The following EP300 variants were observed in gnomAD, a reference collection of about 807,000 sequenced individuals.
The protein encoded by EP300 is EP300 lysine acetyltransferase.
EP300 carries 31 observed loss-of-function variants against 264.0 expected under a neutral mutation model. The observed-to-expected ratio is 0.12, with a 90% CI of 0.09 to 0.16. The LOEUF is 0.16. Among genes scored for constraint, EP300 ranks in the 10% least tolerant of loss-of-function variants. The pLI is 1.00. For synonymous variants in EP300, 1,340 were observed against 1,045.4 expected, an observed-to-expected ratio of 1.28 and a Z score of -5.44; for missense variants, 2,766 against 3,052.9, an observed-to-expected ratio of 0.91 and a Z score of 2.21.
In EP300 at chr22:41,178,124, C is replaced by T. The variant is rs587778258; in HGVS notation, c.6413C>T (p.Ala2138Val). The T allele has an allele frequency of 1.9e-5, 30 of 1,614,022 alleles. No homozygotes were observed. Among genetic ancestry groups the T allele is most frequent in the South Asian group, 4.4e-5 (4 of 91,088 alleles). Residue 2138 changes from alanine to valine, a missense_variant, in exon 31 of 31, where the codon GCG (alanine) becomes GTG (valine). Coordinates refer to ENST00000263253, the MANE Select transcript of EP300 (RefSeq NM_001429.4). ...PAMQNMNPMQ[A>V]GVQRAGLPQQ... is the part of the protein sequence containing the mutation. Reference sequence around the variant, plus strand: ...ATGCAGAACATGAATCCAATGCAGGCGGGCGTTCAGAGGGCTGGCCTGCCC... The same window carrying T: ...ATGCAGAACATGAATCCAATGCAGGTGGGCGTTCAGAGGGCTGGCCTGCCC...
chr22:41,111,876 CTTTTTTTTTTTTTT>C (rs71200661), intron 1 of EP300, among the ~76,000 whole-genome samples: 15 of 54,666 alleles, frequency 2.7e-4, no homozygotes, highest in South Asian at 1.1e-3. Context: ...AACTTGTAAC[CTTTTTTTTTTTTTT>C]TTTTTTTTTT....
chr22:41,152,625 GGA>G (rs1312835702), intron 16 of EP300, among the ~76,000 whole-genome samples: 1 of 151,880 alleles, frequency 6.6e-6, no homozygotes, highest in African/African-American at 2.4e-5. Context: ...TCATTTTTCA[GGA>G]GAGAGAAATG....
At chr22:41,093,377 A>G (rs112064638) in intron 1 of EP300, among the ~76,000 whole-genome samples, 2 of 152,188 alleles carry the variant, frequency 1.3e-5, no homozygotes, top group Admixed American at 1.3e-4. Context: ...TGTTGCTCTC[A>G]TGCAATTTAA....
At chr22:41,143,868 C>T (rs2058996400) in intron 10 of EP300, among the ~76,000 whole-genome samples, 1 of 152,190 alleles carries the variant, frequency 6.6e-6, no homozygotes, top group Non-Finnish European at 1.5e-5. Context: ...CTTGAGCCAT[C>T]ACACCTGGCC....
At chr22:41,123,099 C>A (rs1185925481) in intron 2 of EP300, among the ~76,000 whole-genome samples, 3 of 152,168 alleles carry the variant, frequency 2.0e-5, no homozygotes, top group African/African-American at 7.2e-5. Flanking sequence ...ACAGATGCTT[C>A]ACAGAGGTAG....
chr22:41,139,432 GTTA>G (rs1569102403), intron 8 of EP300, among the ~76,000 whole-genome samples: 1 of 152,112 alleles, frequency 6.6e-6, no homozygotes, highest in African/African-American at 2.4e-5. Context: ...TTGACTTTAC[GTTA>G]AAAGTTTATT....
At chr22:41,117,162 C>T (rs759997403) in intron 1 of EP300, 25 bp from the exon 2 acceptor site, 3 of 1,608,956 alleles carry the variant, frequency 1.9e-6, no homozygotes, top group East Asian at 2.2e-5. Context: ...ATACTTTGAC[C>T]TTTGTCTTTT....
rs1428592811 is a variant in EP300, at chr22:41,126,037, C to A, written c.903C>A (p.Asn301Lys). ...CAGTTCCTGGTGGAGGAATGCCCAA[C>A]ATGGTGAGTACTAATCCATTACAGA... Reference protein sequence around the residue: ...KKAVPGGGMPNMGQQPAPQVQ... With the variant: ...KKAVPGGGMPKMGQQPAPQVQ... Residue 301 changes from asparagine to lysine, a missense_variant, in exon 3 of 31, where the codon AAC (asparagine) becomes AAA (lysine). Asn to Lys is a moderately conservative substitution (Grantham distance 94). Coordinates refer to ENST00000263253, the MANE Select transcript of EP300 (RefSeq NM_001429.4). 3 of 1,613,906 alleles carry A rather than the reference C, an allele frequency of 1.9e-6. No individual in the cohort carries two copies. The highest frequency in any genetic ancestry group is 2.5e-6 in the Non-Finnish European group (3 of 1,179,920).
At chr22:41,108,860 T>C (rs560495247) in intron 1 of EP300, among the ~76,000 whole-genome samples, 5 of 152,322 alleles carry the variant, frequency 3.3e-5, no homozygotes, top group African/African-American at 9.6e-5. Flanking sequence ...TTTTTTAATA[T>C]TTGCCATAGG....
At position 41,128,437 on chromosome 22, in the gene EP300, G is replaced by A. The variant is rs562823283; in HGVS notation, c.1168+689G>A. 9.2e-5 allele frequency among the ~76,000 whole-genome samples: 14 copies of A among 152,092 alleles called. 1 individual carries two copies. In the South Asian group the frequency reaches 2.7e-3, roughly 29 times the overall value. Reference sequence around the variant, plus strand: ...CATCATACCACTGCACTCCAGCCTGGACGATAGAACCAAACCCTGTTTCAA... The same window carrying A: ...CATCATACCACTGCACTCCAGCCTGAACGATAGAACCAAACCCTGTTTCAA... On this transcript the variant is annotated intron_variant, in intron 4 of 30. Transcript: ENST00000263253.
At position 41,142,318 on chromosome 22, in the gene EP300, C is replaced by T. The variant is rs537693001; in HGVS notation, c.2053+1096C>T. Among the ~76,000 whole-genome samples the T allele has an allele frequency of 4.7e-4, 71 of 152,316 alleles. 1 individual carries two copies. The highest frequency in any genetic ancestry group is 1.7e-3 in the African/African-American group (70 of 41,562). ...GGCTGAGAAGTTCATCTCTTTCATT[C>T]ATTGAAGTAGTAAAGTAGAGAACCA... On this transcript the variant is annotated intron_variant, in intron 10 of 30. Coordinates refer to ENST00000263253, the MANE Select transcript of EP300 (RefSeq NM_001429.4).
At chr22:41,130,932 G>A (rs1191110849) in intron 5 of EP300, among the ~76,000 whole-genome samples, 1 of 152,020 alleles carries the variant, frequency 6.6e-6, no homozygotes, top group African/African-American at 2.4e-5. Context: ...TACAGCATTT[G>A]AAAATGGAAT....
chr22:41,133,042 A>G (rs891926575), intron 6 of EP300, among the ~76,000 whole-genome samples: 2 of 152,232 alleles, frequency 1.3e-5, no homozygotes, highest in South Asian at 4.1e-4. Context: ...TGTAGAGACC[A>G]GGTCTTGTCC....
chr22:41,092,925 C>G lies in EP300; in HGVS notation c.-80C>G. Reference sequence around the variant, plus strand: ...GAGCCCCCCAGCCCACCCCTGGGTGCGGCGCGGGGACCCCGGGCCGAAGAA... The same window carrying G: ...GAGCCCCCCAGCCCACCCCTGGGTGGGGCGCGGGGACCCCGGGCCGAAGAA... On this transcript the variant is annotated 5_prime_UTR_variant, in exon 1 of 31. Transcript: ENST00000263253. 6.6e-7 allele frequency: 1 copy of G among 1,525,298 alleles called. No homozygotes were observed. The highest frequency in any genetic ancestry group is 2.3e-5 in the East Asian group (1 of 44,444). 94.5% of individuals were successfully genotyped at this position (1,525,298 alleles called of 1,614,324 possible).
chr22:41,169,733 C>T (rs777906944), intron 26 of EP300, 117 bp downstream of exon 26: 31 of 686,038 alleles, frequency 4.5e-5, no homozygotes, highest in East Asian at 1.6e-4. Flanking sequence ...TTAGTTCTTA[C>T]GTAACAATTC....
chr22:41,172,018 T>G lies in EP300; in HGVS notation c.4453-481T>G, dbSNP rs2059173737. Among the ~76,000 whole-genome samples, 3 of 152,218 alleles carry G rather than the reference T, an allele frequency of 2.0e-5. No homozygotes were observed. The South Asian group carries it at 6.2e-4, about 31-fold the overall frequency. ...TAGTAGTTCAACTAAATAAAGAAGT[T>G]TTCCTAAGCAGCCCAGCAAATCATT... On this transcript the variant is annotated intron_variant, in intron 27 of 30. Coordinates refer to ENST00000263253, the MANE Select transcript of EP300 (RefSeq NM_001429.4).
chr22:41,158,781 TTC>T (rs1368880075), intron 19 of EP300: 2 of 425,146 alleles, frequency 4.7e-6, no homozygotes, highest in Non-Finnish European at 8.8e-6. Context: ...CAGGCCCCAC[TTC>T]TCTTTCTACT....
intron 2 of EP300, among the ~76,000 whole-genome samples, chr22:41,124,135 C>G (rs1049164985): frequency 6.6e-6 from 1 of 152,242 alleles, no homozygotes; most frequent in Admixed American, 6.5e-5. Flanking sequence ...GTAGTCCCAG[C>G]TACTCAGGCT....
intron 16 of EP300, among the ~76,000 whole-genome samples, chr22:41,152,980 T>G (rs755894413): frequency 6.6e-5 from 10 of 152,114 alleles, no homozygotes; most frequent in Non-Finnish European, 1.0e-4. Flanking sequence ...ATGGTCTCGA[T>G]CTCTTGACCT....
Sources: allele counts gnomAD v4.1 joint callset (sites outside exome capture counted in the v4.1 genomes callset), GRCh38; gene constraint gnomAD v4.1.1; transcripts MANE v1.5; gene names NCBI Gene and HGNC (gene_info 2026-07-23, HGNC 2026-07-21).